OPRM1: variants seen among roughly 807,000 people sequenced by gnomAD.
OPRM1 encodes the protein opioid receptor mu 1.
A neutral mutation model predicts 31.8 loss-of-function variants in OPRM1; 27 were observed. The observed-to-expected ratio is 0.85, with a 90% CI of 0.63 to 1.17. OPRM1 has a LOEUF of 1.17. Ranked by LOEUF, OPRM1 falls within the 50% of genes most tolerant of loss-of-function variation. OPRM1 has a pLI of 0.00. For missense variants in OPRM1, 536 were observed against 511.1 expected, an observed-to-expected ratio of 1.05 and a Z score of -0.47; for synonymous variants, 196 against 189.9, an observed-to-expected ratio of 1.03 and a Z score of -0.26.
intron 1 of OPRM1, among the ~76,000 whole-genome samples, chr6:154,066,025 T>C (rs943677556): frequency 1.3e-5 from 2 of 152,190 alleles, no homozygotes; most frequent in Non-Finnish European, 2.9e-5. Context: ...AATGAGATTA[T>C]CATGTGGTTT....
At chr6:154,201,092 C>T (rs1777033540) in intron 3 of OPRM1, among the ~76,000 whole-genome samples, 1 of 152,152 alleles carries the variant, frequency 6.6e-6, no homozygotes, top group African/African-American at 2.4e-5. Context: ...GTAAGATGTG[C>T]CTTGTTTCCC....
intron 3 of OPRM1, among the ~76,000 whole-genome samples, chr6:154,229,936 A>G (rs1779593448): frequency 6.6e-6 from 1 of 152,212 alleles, no homozygotes; most frequent in African/African-American, 2.4e-5. Context: ...CCCTGAAAAC[A>G]TTCTGCTAAG....
intron 3 of OPRM1, among the ~76,000 whole-genome samples, chr6:154,229,450 C>T (rs571383934): frequency 1.7e-4 from 25 of 150,308 alleles, no homozygotes; most frequent in African/African-American, 5.1e-4. Flanking sequence ...CCTGGGTTCA[C>T]GCCATTCTCC....
Position 154,039,342 on chromosome 6 carries a change from G to T in OPRM1, c.-203G>T, listed in dbSNP as rs768449856. The T allele has an allele frequency of 1.8e-5, 28 of 1,547,568 alleles. No homozygotes were observed. In the Admixed American group the frequency reaches 2.0e-4, roughly 11 times the overall value. On this transcript the variant is annotated 5_prime_UTR_variant, in exon 1 of 4. Coordinates refer to ENST00000330432, the MANE Select transcript of OPRM1 (RefSeq NM_000914.5). ...CTGTGAACTACTAAGGTGGGAGGGG[G>T]CTATACGCAGAGGAGAATGTCAGAT...
rs532903089 is a variant in OPRM1, at chr6:154,120,434, G to A, written c.*1713G>A. ...TTCCTTCTGATGAAGTTTCATGTTT[G>A]CTTGTAATAATCTCCATTTCTCAAA... On this transcript the variant is annotated 3_prime_UTR_variant, in exon 4 of 4. Coordinates refer to ENST00000330432, the MANE Select transcript of OPRM1 (RefSeq NM_000914.5). 1.1e-4 allele frequency among the ~76,000 whole-genome samples: 16 copies of A among 152,188 alleles called. No individual in the cohort carries two copies. Among genetic ancestry groups the A allele is most frequent in the South Asian group, 2.1e-4 (1 of 4,822 alleles).
intron 1 of OPRM1, among the ~76,000 whole-genome samples, chr6:154,089,412 C>A (rs1429760093): frequency 6.6e-6 from 1 of 152,010 alleles, no homozygotes; most frequent in Non-Finnish European, 1.5e-5. Flanking sequence ...CATGTCAAGA[C>A]CCTGTCCCTA....
chr6:154,163,793 A>T (rs1799213012), intron 3 of OPRM1, among the ~76,000 whole-genome samples: 1 of 152,260 alleles, frequency 6.6e-6, no homozygotes, highest in African/African-American at 2.4e-5. Context: ...TTAAACAAAA[A>T]AACTAGACAT....
rs574666584 is a variant in OPRM1 at position 154,123,806 on chromosome 6, T to G, written c.*5085T>G. ...TAGCATGCTAATGCAATATAATTAG[T>G]GTATAATGAGTAGTGAGGACAACCA... On this transcript the variant is annotated 3_prime_UTR_variant, in exon 4 of 4. Coordinates refer to ENST00000330432, the MANE Select transcript of OPRM1 (RefSeq NM_000914.5). Among the ~76,000 whole-genome samples, 1 of 152,326 alleles carries G rather than the reference T, an allele frequency of 6.6e-6. No individual in the cohort carries two copies. The highest frequency in any genetic ancestry group is 1.9e-4 in the East Asian group (1 of 5,184).
chr6:154,115,447 G>A (rs1796763612), intron 3 of OPRM1, among the ~76,000 whole-genome samples: 1 of 152,164 alleles, frequency 6.6e-6, no homozygotes. Context: ...GACTGAGGTG[G>A]GAGAATTGCT....
chr6:154,161,670 G>A (rs1799029392), intron 3 of OPRM1, among the ~76,000 whole-genome samples: 1 of 152,128 alleles, frequency 6.6e-6, no homozygotes. Flanking sequence ...GTACATTTAG[G>A]TATTTACGGG....
At chr6:154,208,253 G>C (rs1777666413) in intron 3 of OPRM1, among the ~76,000 whole-genome samples, 1 of 152,122 alleles carries the variant, frequency 6.6e-6, no homozygotes, top group Non-Finnish European at 1.5e-5. Context: ...CAGCCACAGA[G>C]GGCTCCTTGC....
chr6:154,031,797 G>GA (rs1013431720), intron 1 of OPRM1, among the ~76,000 whole-genome samples: 5 of 151,756 alleles, frequency 3.3e-5, no homozygotes, highest in African/African-American at 7.3e-5. Context: ...TGTGCTAGAG[G>GA]AAAAAAAATG....
At chr6:154,194,052 C>T (rs377315987) in intron 3 of OPRM1, among the ~76,000 whole-genome samples, 5 of 152,144 alleles carry the variant, frequency 3.3e-5, no homozygotes, top group African/African-American at 9.7e-5. Context: ...GTACACCTAG[C>T]GTACTTAACG....
At chr6:154,138,226 A>G (rs892267197) in intron 3 of OPRM1, among the ~76,000 whole-genome samples, 3 of 152,206 alleles carry the variant, frequency 2.0e-5, no homozygotes, top group African/African-American at 7.2e-5. Flanking sequence ...TAAATTAGAC[A>G]GTATGCAAAA....
At chr6:154,092,346 A>G (rs1315196120) in intron 3 of OPRM1, among the ~76,000 whole-genome samples, 2 of 152,232 alleles carry the variant, frequency 1.3e-5, no homozygotes, top group Non-Finnish European at 2.9e-5. Flanking sequence ...TCAATCAAAT[A>G]CATGGCTTAA....
chr6:154,192,575 AC>A (rs1158532875), intron 3 of OPRM1, among the ~76,000 whole-genome samples: 1 of 152,170 alleles, frequency 6.6e-6, no homozygotes, highest in Non-Finnish European at 1.5e-5. Context: ...TAAACAAGCA[AC>A]CCAGAGAGTG....
At chr6:154,094,597 G>A (rs1793031943) in intron 3 of OPRM1, among the ~76,000 whole-genome samples, 1 of 152,186 alleles carries the variant, frequency 6.6e-6, no homozygotes, top group Admixed American at 6.5e-5. Context: ...CAGCAAGAAT[G>A]ACTAGCTCCA....
intron 3 of OPRM1, among the ~76,000 whole-genome samples, chr6:154,208,734 T>C (rs985780552): frequency 3.9e-5 from 6 of 152,218 alleles, no homozygotes; most frequent in African/African-American, 1.4e-4. Flanking sequence ...CTTTTATAGC[T>C]CTTAACTCAC....
rs905932936 is a variant in OPRM1 at position 154,109,019 on chromosome 6, T to A, written c.1165-9664T>A. The A allele has an allele frequency of 8.1e-6, 8 of 985,074 alleles. No individual in the cohort carries two copies. The African/African-American group carries it at 1.4e-4, about 17-fold the overall frequency. The allele number at this position is 985,074 out of a possible 1,614,324, so 61.0% of individuals were successfully genotyped here. A position where few individuals can be genotyped will look rare whatever the true frequency, so the allele number is the denominator to read the frequency against. ...ATATGATGATAAAAGCCATCTAACC[T>A]GTTGGAATTATAGGTCACATCAAGA... On this transcript the variant is annotated intron_variant, in intron 3 of 3. Transcript: ENST00000330432.
Sources: gnomAD v4.1 joint callset for allele counts (sites outside exome capture counted in the v4.1 genomes callset) on GRCh38, gnomAD v4.1.1 for gene constraint, MANE v1.5 for transcripts, NCBI Gene and HGNC (gene_info 2026-07-23, HGNC 2026-07-21) for gene names.